The following GRM7 variants were observed in gnomAD, a reference collection of about 807,000 sequenced individuals.
The protein encoded by GRM7 is metabotropic glutamate receptor 7.
A neutral mutation model predicts 84.5 loss-of-function variants in GRM7; 35 were observed. That is an observed-to-expected ratio of 0.41 (90% CI 0.32 to 0.55). The LOEUF (loss-of-function observed/expected upper bound fraction) is 0.55. Among genes scored for constraint, GRM7 ranks in the 20% least tolerant of loss-of-function variants. GRM7 has a pLI of 0.19. For synonymous variants in GRM7, 487 were observed against 455.1 expected (o/e 1.07, Z -0.89); for missense variants, 1,003 against 1,194.6 (o/e 0.84, Z 2.36).
intron 1 of GRM7, among the ~76,000 whole-genome samples, chr3:7,029,717 C>A (rs886131658): frequency 6.6e-6 from 1 of 151,964 alleles, no homozygotes; most frequent in Admixed American, 6.6e-5. Flanking sequence ...GAGAGAGGAA[C>A]GAGGAGTTAT....
At chr3:6,935,499 T>C (rs960944895) in intron 1 of GRM7, among the ~76,000 whole-genome samples, 5 of 151,878 alleles carry the variant, frequency 3.3e-5, no homozygotes, top group African/African-American at 1.2e-4. Flanking sequence ...TGTGACAGTT[T>C]CTGGTTTATT....
chr3:7,120,989 GT>G (rs1007990009), intron 1 of GRM7, among the ~76,000 whole-genome samples: 2 of 152,054 alleles, frequency 1.3e-5, no homozygotes, highest in Non-Finnish European at 2.9e-5. Context: ...TTATTGTGGG[GT>G]TTTTTTCTTC....
rs1383920465 is a variant in GRM7, at chr3:7,363,240, AAC to A, written c.1034-51781_1034-51780del. Among the ~76,000 whole-genome samples, 7 of 152,132 alleles carry A rather than the reference AAC, an allele frequency of 4.6e-5. No homozygotes were observed. The South Asian group carries it at 1.2e-3, about 27-fold the overall frequency. The stretch of plus-strand genomic sequence containing the variant: ...CTCAGAATTTTTGTCGTATTTAAAT[AAC>A]AGTCTATGTGAATCACAAAAGCCAT... On this transcript the variant is annotated intron_variant, in intron 4 of 9. Transcript: ENST00000357716.
intron 7 of GRM7, among the ~76,000 whole-genome samples, chr3:7,488,071 G>A (rs1253303371): frequency 9.2e-5 from 14 of 152,256 alleles, no homozygotes; most frequent in East Asian, 5.8e-4. Flanking sequence ...TGCCCTGCTG[G>A]GTTTTGGACT....
At chr3:7,301,310 A>C (rs1411190403) in intron 3 of GRM7, among the ~76,000 whole-genome samples, 1 of 152,178 alleles carries the variant, frequency 6.6e-6, no homozygotes, top group Non-Finnish European at 1.5e-5. Context: ...ATTATCTTAC[A>C]ACATTATTTT....
At chr3:7,313,033 ATTC>A (rs1308713071) in intron 4 of GRM7, among the ~76,000 whole-genome samples, 43 of 150,676 alleles carry the variant, frequency 2.9e-4, no homozygotes, top group Middle Eastern at 3.2e-3. Context: ...GGTTCAAACA[ATTC>A]TTCTACCTCA....
At chr3:7,493,800 A>T (rs113131774) in intron 7 of GRM7, among the ~76,000 whole-genome samples, 1 of 151,852 alleles carries the variant, frequency 6.6e-6, no homozygotes, top group Non-Finnish European at 1.5e-5. Context: ...TTAGGATTCC[A>T]TCTTGATTTA....
At chr3:7,463,611 G>A (rs999188344) in intron 7 of GRM7, among the ~76,000 whole-genome samples, 1 of 152,120 alleles carries the variant, frequency 6.6e-6, no homozygotes, top group Non-Finnish European at 1.5e-5. Context: ...TCTGAGGTGT[G>A]ATAATGGAAA....
In GRM7 at chr3:6,865,697, GAAACTTGAATGTAATATC is replaced by G. The variant is rs1436193670; in HGVS notation, c.519+3797_519+3814del. ...TGTCAATGTTTTCCTTCTGTTAATT[GAAACTTGAATGTAATATC>G]AAACTTTTGGGATAATATTTTATAC... On this transcript the variant is annotated intron_variant, in intron 1 of 9. Transcript: ENST00000357716. 1.7e-4 allele frequency among the ~76,000 whole-genome samples: 26 copies of G among 152,156 alleles called. No individual in the cohort carries two copies. The South Asian group carries it at 5.4e-3, about 32-fold the overall frequency.
intron 1 of GRM7, among the ~76,000 whole-genome samples, chr3:7,013,862 AT>A (rs1311850125): frequency 6.6e-6 from 1 of 151,782 alleles, no homozygotes; most frequent in African/African-American, 2.4e-5. Context: ...ATCTTTTCTC[AT>A]TTATTTCTCT....
chr3:6,943,352 T>C (rs1363767869), intron 1 of GRM7, among the ~76,000 whole-genome samples: 1 of 151,998 alleles, frequency 6.6e-6, no homozygotes, highest in Non-Finnish European at 1.5e-5. Flanking sequence ...TTTAGGTCTA[T>C]AGTCTATTTT....
chr3:7,464,335 C>A (rs1450093), intron 7 of GRM7, among the ~76,000 whole-genome samples: 3,604 of 152,118 alleles, frequency 0.024, 110 homozygotes, highest in African/African-American at 0.068. Context: ...AATCAAGAAT[C>A]CCAATTGGGA....
rs1238344770 is a variant in GRM7 at position 7,298,188 on chromosome 3, A to T, written c.737-496A>T. On this transcript the variant is annotated intron_variant, in intron 2 of 9. Transcript: ENST00000357716. ...AGTTGATGTTCTTGGTTTTAGTTTTATTCCACTTATTCCACTGGAATTGAT... is the reference window on the plus strand; with the variant it reads ...AGTTGATGTTCTTGGTTTTAGTTTTTTTCCACTTATTCCACTGGAATTGAT... Among the ~76,000 whole-genome samples the T allele has an allele frequency of 2.6e-5, 4 of 152,084 alleles. No homozygotes were observed. In the East Asian group the frequency reaches 7.7e-4, roughly 29 times the overall value.
chr3:7,350,515 C>A (rs1019287376), intron 4 of GRM7, among the ~76,000 whole-genome samples: 2 of 152,078 alleles, frequency 1.3e-5, no homozygotes, highest in Non-Finnish European at 2.9e-5. Flanking sequence ...TGAGTCCTCC[C>A]CAGAAGCAGA....
intron 7 of GRM7, among the ~76,000 whole-genome samples, chr3:7,556,808 T>C (rs1239342006): frequency 6.6e-6 from 1 of 152,154 alleles, no homozygotes; most frequent in African/African-American, 2.4e-5. Flanking sequence ...AAGAAGTGAC[T>C]GAGGCATTGA....
intron 1 of GRM7, among the ~76,000 whole-genome samples, chr3:6,943,330 T>C (rs899206271): frequency 6.6e-6 from 1 of 152,004 alleles, no homozygotes; most frequent in African/African-American, 2.4e-5. Context: ...AGATGTTTTA[T>C]AGTTTTATAC....
chr3:7,092,505 A>G (rs1698700791), intron 1 of GRM7, among the ~76,000 whole-genome samples: 1 of 152,000 alleles, frequency 6.6e-6, no homozygotes, highest in Non-Finnish European at 1.5e-5. Flanking sequence ...TCAATGTTAA[A>G]TAGTCAAATG....
intron 4 of GRM7, among the ~76,000 whole-genome samples, chr3:7,362,161 T>C (rs1693690800): frequency 6.6e-6 from 1 of 152,110 alleles, no homozygotes; most frequent in Admixed American, 6.6e-5. Context: ...TGCTTTATAA[T>C]AGTCATTTTT....
intron 1 of GRM7, among the ~76,000 whole-genome samples, chr3:7,095,776 C>T (rs1237192397): frequency 6.6e-6 from 1 of 151,942 alleles, no homozygotes; most frequent in Non-Finnish European, 1.5e-5. Context: ...TTTTTCTAGT[C>T]TGCTGGTTAA....
Sources: gnomAD v4.1 joint callset for allele counts (sites outside exome capture counted in the v4.1 genomes callset) on GRCh38, gnomAD v4.1.1 for gene constraint, MANE v1.5 for transcripts, NCBI Gene and HGNC (gene_info 2026-07-23, HGNC 2026-07-21) for gene names.